The following PCED1B variants were observed in gnomAD, a reference collection of about 807,000 sequenced individuals.
PCED1B encodes PC-esterase domain-containing protein 1B.
For missense variants in PCED1B, 573 were observed against 573.9 expected (o/e 1.00, Z 0.02); for synonymous variants, 251 against 246.1 (o/e 1.02, Z -0.19).
chr12:47,085,984 A>G (rs1937962084), intron 1 of PCED1B, among the ~76,000 whole-genome samples: 1 of 152,126 alleles, frequency 6.6e-6, no homozygotes, highest in Admixed American at 6.5e-5. Context: ...TTAGCTCTGC[A>G]TTGTTTATTC....
At chr12:47,102,421 G>C (rs549119580) in intron 1 of PCED1B, among the ~76,000 whole-genome samples, 1 of 151,938 alleles carries the variant, frequency 6.6e-6, no homozygotes, top group African/African-American at 2.4e-5. Flanking sequence ...ATTCCCATTC[G>C]CCTATCCCTC....
intron 1 of PCED1B, among the ~76,000 whole-genome samples, chr12:47,081,047 T>C (rs115693677): frequency 0.011 from 1,609 of 152,338 alleles, 33 homozygotes; most frequent in African/African-American, 0.036. Context: ...GTGGAGACTA[T>C]GAGGCTGATG....
chr12:47,204,526 C>T (rs1366272474), intron 2 of PCED1B, among the ~76,000 whole-genome samples: 3 of 152,184 alleles, frequency 2.0e-5, no homozygotes, highest in East Asian at 1.9e-4. Context: ...AAGAACAAAC[C>T]CTGCTCATTT....
At chr12:47,162,191 A>G (rs1035131364) in intron 2 of PCED1B, among the ~76,000 whole-genome samples, 4 of 152,114 alleles carry the variant, frequency 2.6e-5, no homozygotes, top group Non-Finnish European at 5.9e-5. Context: ...CAGCACACCA[A>G]CATCGCAGAT....
intron 3 of PCED1B, among the ~76,000 whole-genome samples, chr12:47,232,384 T>A (rs138722516): frequency 6.6e-6 from 1 of 152,318 alleles, no homozygotes; most frequent in East Asian, 1.9e-4. Context: ...AAACTTAATA[T>A]TCTATCTGTT....
chr12:47,174,957 G>C, intron 2 of PCED1B, among the ~76,000 whole-genome samples: 1 of 152,162 alleles, frequency 6.6e-6, no homozygotes, highest in Admixed American at 6.5e-5. Context: ...GTGTCAGATG[G>C]ATAGTAAGCC....
intron 2 of PCED1B, among the ~76,000 whole-genome samples, chr12:47,137,841 A>G (rs368966044): frequency 6.6e-6 from 1 of 152,284 alleles, no homozygotes; most frequent in East Asian, 1.9e-4. Context: ...TAGTCCCAAA[A>G]TCTACATCGC....
In PCED1B at chr12:47,235,516, C is replaced by G. The variant is rs1190176756; in HGVS notation, c.453C>G (p.Gly151=). The G allele has an allele frequency of 1.2e-6, 2 of 1,612,036 alleles. No homozygotes were observed. Among genetic ancestry groups the G allele is most frequent in the Middle Eastern group, 3.3e-4 (2 of 6,056 alleles). Residue 151 remains glycine, a synonymous_variant, in exon 4 of 4, where the codon GGC becomes GGG. Transcript: ENST00000546455. ...ENLENLFQCL[G]QVLPESCLLV... is the part of the protein sequence containing the mutation. Reference sequence around the variant, plus strand: ...TGGAGAACCTGTTCCAGTGCCTGGGCCAGGTGCTGCCCGAGTCTTGCCTCC... The same window carrying G: ...TGGAGAACCTGTTCCAGTGCCTGGGGCAGGTGCTGCCCGAGTCTTGCCTCC...
intron 1 of PCED1B, among the ~76,000 whole-genome samples, chr12:47,081,287 C>T (rs2137128606): frequency 6.6e-6 from 1 of 152,234 alleles, no homozygotes; most frequent in African/African-American, 2.4e-5. Flanking sequence ...ATGATGAGGA[C>T]AACCAACTCT....
chr12:47,190,416 G>A (rs997987044), intron 2 of PCED1B, among the ~76,000 whole-genome samples: 1 of 152,130 alleles, frequency 6.6e-6, no homozygotes, highest in Non-Finnish European at 1.5e-5. Context: ...ATTCACTTTG[G>A]TCGCCTCTTC....
intron 2 of PCED1B, among the ~76,000 whole-genome samples, chr12:47,173,821 G>A (rs189073919): frequency 3.1e-4 from 47 of 152,246 alleles, no homozygotes; most frequent in Non-Finnish European, 5.6e-4. Context: ...ATGATTATAC[G>A]AGGCTCATAA....
At chr12:47,098,583 C>T (rs1227546432) in intron 1 of PCED1B, among the ~76,000 whole-genome samples, 1 of 152,142 alleles carries the variant, frequency 6.6e-6, no homozygotes, top group African/African-American at 2.4e-5. Flanking sequence ...TCCGGGTTCA[C>T]CCCATTCTCC....
chr12:47,111,964 A>G (rs888756257), intron 2 of PCED1B, among the ~76,000 whole-genome samples: 15 of 152,170 alleles, frequency 9.9e-5, no homozygotes, highest in South Asian at 8.3e-4. Context: ...ACTGCCCCTC[A>G]TAAGCTGTTG....
chr12:47,230,265 T>C (rs546855500), intron 3 of PCED1B, among the ~76,000 whole-genome samples: 1 of 150,982 alleles, frequency 6.6e-6, no homozygotes, highest in African/African-American at 2.4e-5. Context: ...TTTGTACTTT[T>C]AGTAGAGACG....
At chr12:47,142,751 T>G (rs1361799655) in intron 2 of PCED1B, among the ~76,000 whole-genome samples, 3 of 152,038 alleles carry the variant, frequency 2.0e-5, no homozygotes, top group Non-Finnish European at 4.4e-5. Flanking sequence ...AAACAGATTA[T>G]TTGAAATTAG....
intron 1 of PCED1B, among the ~76,000 whole-genome samples, chr12:47,100,884 A>G (rs1206726226): frequency 6.6e-6 from 1 of 152,128 alleles, no homozygotes; most frequent in Non-Finnish European, 1.5e-5. Context: ...CCTGGCCAGT[A>G]TGGTGAAACA....
At chr12:47,179,355 G>C (rs1369428883) in intron 2 of PCED1B, among the ~76,000 whole-genome samples, 7 of 152,302 alleles carry the variant, frequency 4.6e-5, no homozygotes, top group Non-Finnish European at 1.0e-4. Flanking sequence ...CTGAGGGGGA[G>C]ATTTTCATAA....
At chr12:47,153,669 T>C (rs1941086903) in intron 2 of PCED1B, among the ~76,000 whole-genome samples, 2 of 152,210 alleles carry the variant, frequency 1.3e-5, no homozygotes, top group Non-Finnish European at 2.9e-5. Context: ...CTTTGAACCT[T>C]TGCATTGCCT....
intron 2 of PCED1B, among the ~76,000 whole-genome samples, chr12:47,186,355 G>C (rs11183783): frequency 0.25 from 37,974 of 151,960 alleles, 6,122 homozygotes; most frequent in Non-Finnish European, 0.36. Flanking sequence ...CAAATATATG[G>C]GGAAACTTAT....
Sources: gnomAD v4.1 joint callset for allele counts (sites outside exome capture counted in the v4.1 genomes callset) on GRCh38, gnomAD v4.1.1 for gene constraint, MANE v1.5 for transcripts, NCBI Gene and HGNC (gene_info 2026-07-23, HGNC 2026-07-21) for gene names.